The following TECTA variants were observed in gnomAD, a reference collection of about 807,000 sequenced individuals.
The protein encoded by TECTA is tectorin alpha.
A neutral mutation model predicts 216.8 loss-of-function variants in TECTA; 128 were observed. That is an observed-to-expected ratio of 0.59 (90% CI 0.51 to 0.68). TECTA has a LOEUF of 0.68. Among genes scored for constraint, TECTA ranks in the 30% least tolerant of loss-of-function variants. The pLI is 0.00. For missense variants in TECTA, 2,551 were observed against 2,786.2 expected, an observed-to-expected ratio of 0.92 and a Z score of 1.90; for synonymous variants, 1,089 against 1,117.1, an observed-to-expected ratio of 0.97 and a Z score of 0.50.
rs1946634555 is a variant in TECTA at position 121,128,210 on chromosome 11, G to A, written c.2233G>A (p.Glu745Lys). ...FSYTLLKTCP[E>K]RPEYLEIDIN... ...CTACACCCTCCTGAAGACCTGCCCTGAGCGCCCAGAGTACTTGGAAATCGA... is the reference window on the plus strand; with the variant it reads ...CTACACCCTCCTGAAGACCTGCCCTAAGCGCCCAGAGTACTTGGAAATCGA... The change falls in exon 9 of 24, where the codon GAG becomes AAG. Residue 745 changes from glutamate to lysine, a missense_variant. Transcript: ENST00000392793. 2 of 1,604,308 alleles carry A rather than the reference G, an allele frequency of 1.2e-6. No individual in the cohort carries two copies. Among genetic ancestry groups the A allele is most frequent in the African/African-American group, 1.3e-5 (1 of 74,944 alleles).
chr11:121,163,940 A>C (rs1471588320), intron 16 of TECTA, among the ~76,000 whole-genome samples: 1 of 152,236 alleles, frequency 6.6e-6, no homozygotes, highest in Non-Finnish European at 1.5e-5. Context: ...TCTTTATAAA[A>C]GAGAGCTTTT....
intron 3 of TECTA, among the ~76,000 whole-genome samples, chr11:121,107,848 A>G (rs950690081): frequency 1.4e-4 from 22 of 152,328 alleles, no homozygotes; most frequent in African/African-American, 3.6e-4. Context: ...TCACCATAAG[A>G]TAGTCATTTA....
chr11:121,189,829 C>G lies in TECTA; in HGVS notation c.6316C>G (p.Leu2106Val). 6.2e-7 allele frequency: 1 copy of G among 1,613,878 alleles called. No homozygotes were observed. Reference protein sequence around the residue: ...QICTSRVDGPLCSCVTGTLQE... With the variant: ...QICTSRVDGPVCSCVTGTLQE... ...TTGCACGAGCCGGGTGGATGGGCCT[C>G]TCTGCAGCTGTGTAACAGGAACCCT... is the stretch of plus-strand genomic sequence containing the variant. Residue 2106 changes from leucine (L) to valine (V), a missense_variant, in exon 23 of 24, where the codon CTC (leucine) becomes GTC (valine). By Grantham distance (32) the Leu-to-Val change is conservative. Transcript: ENST00000392793.
At chr11:121,147,341 A>T (rs1420023915) in intron 12 of TECTA, among the ~76,000 whole-genome samples, 1 of 152,124 alleles carries the variant, frequency 6.6e-6, no homozygotes, top group Non-Finnish European at 1.5e-5. Flanking sequence ...GTGGTTCAAC[A>T]CTCACACAGT....
At chr11:121,108,542 A>C (rs1946411910) in intron 3 of TECTA, among the ~76,000 whole-genome samples, 1 of 150,250 alleles carries the variant, frequency 6.7e-6, no homozygotes, top group African/African-American at 2.5e-5. Flanking sequence ...ATACACACAC[A>C]CATACACACC....
Position 121,137,545 on chromosome 11 carries a change from C to G in TECTA, c.3066C>G (p.Gly1022=), listed in dbSNP as rs554751686. Residue 1022 remains glycine (G), a synonymous_variant, in exon 11 of 24, where the codon GGC becomes GGG. Transcript: ENST00000392793. Reference sequence around the variant, plus strand: ...CTGAGGGATGTCAGTGTGATGAGGGCTATGCTCTACTGGGCAGCCAGTGTG... The same window carrying G: ...CTGAGGGATGTCAGTGTGATGAGGGGTATGCTCTACTGGGCAGCCAGTGTG... ...SCSEGCQCDE[G]YALLGSQCVT... is the part of the protein sequence containing the mutation. 6.2e-7 allele frequency: 1 copy of G among 1,613,956 alleles called. No homozygotes were observed.
At position 121,105,199 on chromosome 11, in the gene TECTA, C is replaced by T. The variant is rs1433608717; in HGVS notation, c.65-632C>T. ...ATTCTCTCCAAAGAGTTCTCAAGGA[C>T]CCAACCCTCTGACCCCGGAGGATCT... On this transcript the variant is annotated intron_variant, in intron 2 of 23. Transcript: ENST00000392793. This position sits in a 1 kb window ranked among gnomAD's most constrained non-coding sequence, Gnocchi z 5.3. Among the ~76,000 whole-genome samples the T allele has an allele frequency of 6.6e-6, 1 of 152,202 alleles. No homozygotes were observed. The highest frequency in any genetic ancestry group is 1.5e-5 in the Non-Finnish European group (1 of 68,034).
chr11:121,168,872 C>A lies in TECTA; in HGVS notation c.5946C>A (p.Ala1982=), dbSNP rs1322851451. 3 of 1,614,092 alleles carry A rather than the reference C, an allele frequency of 1.9e-6. No homozygotes were observed. Among genetic ancestry groups the A allele is most frequent in the South Asian group, 1.1e-5 (1 of 91,066 alleles). ...TCCTAACACTCAACAAATGCTATGC[C>A]ACACCCACCCGAGATAGCAATGATA... ...HLILTLNKCY[A]TPTRDSNDKL... Residue 1982 remains alanine, a synonymous_variant, in exon 20 of 24, where the codon GCC becomes GCA. Transcript: ENST00000392793.
intron 20 of TECTA, among the ~76,000 whole-genome samples, chr11:121,172,177 CTTT>C (rs564332865): frequency 0.011 from 1,656 of 152,026 alleles, 26 homozygotes; most frequent in African/African-American, 0.038. Flanking sequence ...ATTGTTCATT[CTTT>C]TTTTATTTTA....
chr11:121,102,907 A>C (rs1273094884), intron 2 of TECTA, among the ~76,000 whole-genome samples, 178 bp downstream of exon 2: 1 of 152,216 alleles, frequency 6.6e-6, no homozygotes, highest in Non-Finnish European at 1.5e-5. Context: ...AATGAGGTTT[A>C]CTTATATTCC....
At chr11:121,126,917 A>C (rs1251774307) in intron 8 of TECTA, among the ~76,000 whole-genome samples, 1 of 152,192 alleles carries the variant, frequency 6.6e-6, no homozygotes, top group African/African-American at 2.4e-5. Context: ...AAAATGTTAC[A>C]ATGGCCACAG....
In TECTA at chr11:121,160,231, A is replaced by G; in HGVS notation, c.4786A>G (p.Ile1596Val). The stretch of plus-strand genomic sequence containing the variant: ...TCTGGTGATTGACACCAGCCCAGAC[A>G]TCCAGATATACTACAATGGTTTCAA... ...GFLVIDTSPD[I>V]QIYYNGFNVI... The change falls in exon 15 of 24, where the codon ATC (isoleucine) becomes GTC (valine). Residue 1596 changes from isoleucine to valine, a missense_variant. Physicochemically the swap from Ile to Val is conservative, Grantham distance 29. Coordinates refer to ENST00000392793, the MANE Select transcript of TECTA (RefSeq NM_005422.4). 2 of 1,614,224 alleles carry G rather than the reference A, an allele frequency of 1.2e-6. No homozygotes were observed. Among genetic ancestry groups the G allele is most frequent in the Non-Finnish European group, 1.7e-6 (2 of 1,180,040 alleles).
intron 10 of TECTA, among the ~76,000 whole-genome samples, chr11:121,133,071 A>G (rs1381706602): frequency 2.0e-5 from 3 of 152,152 alleles, no homozygotes; most frequent in African/African-American, 7.2e-5. Context: ...GAGAGTGAGA[A>G]ACCTGGCCCA....
chr11:121,113,447 G>T lies in TECTA; in HGVS notation c.625-106G>T. The T allele has an allele frequency of 6.6e-7, 1 of 1,525,918 alleles. No individual in the cohort carries two copies. The highest frequency in any genetic ancestry group is 1.7e-5 in the Admixed American group (1 of 59,612). 94.5% of individuals were successfully genotyped at this position (1,525,918 alleles called of 1,614,324 possible). On this transcript the variant is annotated intron_variant, in intron 5 of 23. Transcript: ENST00000392793. This position sits in a 1 kb window ranked among gnomAD's most constrained non-coding sequence, Gnocchi z 4.2. ...GGCCCCAGTGACTCCAGGAAAAGACGGCTCTTGATTTTAGAGGTGCTGGAT... is the reference window on the plus strand; with the variant it reads ...GGCCCCAGTGACTCCAGGAAAAGACTGCTCTTGATTTTAGAGGTGCTGGAT...
intron 10 of TECTA, among the ~76,000 whole-genome samples, chr11:121,132,623 T>C (rs1946686191): frequency 6.6e-6 from 1 of 152,206 alleles, no homozygotes; most frequent in African/African-American, 2.4e-5. Flanking sequence ...TAGCTAGGTG[T>C]GTTACTCTCT....
In TECTA at chr11:121,168,477, AT is replaced by A. The variant is rs1323220323; in HGVS notation, c.5751-195del. On this transcript the variant is annotated intron_variant, in intron 19 of 23. Coordinates refer to ENST00000392793, the MANE Select transcript of TECTA (RefSeq NM_005422.4). ...GTGGCTCAGGGGGCTGCGGAATTGA[AT>A]TTTTAATTTTATTTAATTTCATTTC... 10 of 936,192 alleles carry A rather than the reference AT, an allele frequency of 1.1e-5. No homozygotes were observed. In the African/African-American group the frequency reaches 1.7e-4, roughly 16 times the overall value. The allele number at this position is 936,192 out of a possible 1,614,324, so 58.0% of individuals were successfully genotyped here.
intron 10 of TECTA, among the ~76,000 whole-genome samples, chr11:121,133,939 G>A (rs1431536562): frequency 1.3e-5 from 2 of 152,012 alleles, no homozygotes; most frequent in Admixed American, 1.3e-4. Context: ...TCTGTCTATC[G>A]GTCATCTTAT....
chr11:121,126,040 GC>G (rs1057172895), intron 8 of TECTA, among the ~76,000 whole-genome samples, 168 bp downstream of exon 8: 5 of 152,180 alleles, frequency 3.3e-5, no homozygotes, highest in African/African-American at 1.2e-4. Context: ...CTTTACTTTT[GC>G]CCCCACCTAA....
In TECTA at chr11:121,108,843, C is replaced by T. The variant is rs1399415469; in HGVS notation, c.199-368C>T. Among the ~76,000 whole-genome samples the T allele has an allele frequency of 2.6e-5, 4 of 152,004 alleles. No homozygotes were observed. The East Asian group carries it at 7.7e-4, about 29-fold the overall frequency. ...CACACTCACGCACCTCACCCCAGTACACACACACCCTTCAGTACACACACA... is the reference window on the plus strand; with the variant it reads ...CACACTCACGCACCTCACCCCAGTATACACACACCCTTCAGTACACACACA... On this transcript the variant is annotated intron_variant, in intron 3 of 23. Coordinates refer to ENST00000392793, the MANE Select transcript of TECTA (RefSeq NM_005422.4).
Sources: gnomAD v4.1 joint callset for allele counts (sites outside exome capture counted in the v4.1 genomes callset) on GRCh38, gnomAD v4.1.1 for gene constraint, Gnocchi (gnomAD v3.1) non-coding constraint, MANE v1.5 for transcripts, NCBI Gene and HGNC (gene_info 2026-07-23, HGNC 2026-07-21) for gene names.